Variants in RABL6 observed in about 807,000 individuals in gnomAD.
RABL6 encodes rab-like protein 6.
A neutral mutation model predicts 72.9 loss-of-function variants in RABL6; 28 were observed. The ratio of observed to expected loss-of-function variants is 0.38; its 90% CI spans 0.28 to 0.53. RABL6 has a LOEUF of 0.53. Among genes scored for constraint, RABL6 ranks in the 20% least tolerant of loss-of-function variants. RABL6 has a pLI of 0.80. For synonymous variants in RABL6, 477 were observed against 421.2 expected, an observed-to-expected ratio of 1.13 and a Z score of -1.62; for missense variants, 1,029 against 1,008.4, an observed-to-expected ratio of 1.02 and a Z score of -0.28.
Position 136,831,612 on chromosome 9 carries a change from G to T in RABL6, c.459-109G>T, listed in dbSNP as rs1564368585. On this transcript the variant is annotated intron_variant, in intron 5 of 14. Coordinates refer to ENST00000311502, the MANE Select transcript of RABL6 (RefSeq NM_024718.5). ...CATGCTTCTGCTGGGTTGGATGTTG[G>T]AAATGAGAAGCAGCCACCATCCTCG... The T allele has an allele frequency of 8.7e-6, 13 of 1,497,004 alleles. No homozygotes were observed. In the East Asian group the frequency reaches 3.0e-4, roughly 34 times the overall value. The allele number at this position is 1,497,004 out of a possible 1,614,324, so 92.7% of individuals were successfully genotyped here.
chr9:136,839,721 T>C lies in RABL6; in HGVS notation c.1786T>C (p.Ser596Pro). ...TGACTTTCCCGTGCGAGATGACCCC[T>C]CCGATGTGACTGACGAGGATGAGGG... Reference protein sequence around the residue: ...ADDFPVRDDPSDVTDEDEGPA... With the variant: ...ADDFPVRDDPPDVTDEDEGPA... Residue 596 changes from serine to proline, a missense_variant, in exon 13 of 15, where the codon TCC (serine) becomes CCC (proline). Coordinates refer to ENST00000311502, the MANE Select transcript of RABL6 (RefSeq NM_024718.5). 5 of 1,604,078 alleles carry C rather than the reference T, an allele frequency of 3.1e-6. No homozygotes were observed. The highest frequency in any genetic ancestry group is 4.3e-6 in the Non-Finnish European group (5 of 1,174,382).
In RABL6 at chr9:136,831,832, C is replaced by G; in HGVS notation, c.570C>G (p.Asp190Glu). Residue 190 changes from aspartate (D) to glutamate (E), a missense_variant, in exon 6 of 15, where the codon GAC becomes GAG. This residue lies in a region of RABL6 where 434 missense variants were observed against 536.1 expected (regional missense o/e 0.81). Transcript: ENST00000311502. ...AGCACCGAGTCATCCTGCCGGACGA[C>G]GTGCGTGACTTCATCGACAACCTGG... ...MGEHRVILPD[D>E]VRDFIDNLDR... 4.3e-6 allele frequency: 7 copies of G among 1,612,744 alleles called. No individual in the cohort carries two copies. Among genetic ancestry groups the G allele is most frequent in the Non-Finnish European group, 5.9e-6 (7 of 1,179,546 alleles).
intron 7 of RABL6, chr9:136,833,112 A>T: frequency 4.4e-6 from 1 of 227,960 alleles, no homozygotes; most frequent in Non-Finnish European, 8.2e-6. Context: ...TGGGGACCTG[A>T]ACCTCCTCGC....
Position 136,840,656 on chromosome 9 carries a change from G to A in RABL6, c.*134G>A. 10 of 1,549,542 alleles carry A rather than the reference G, an allele frequency of 6.5e-6. No individual in the cohort carries two copies. Among genetic ancestry groups the A allele is most frequent in the Non-Finnish European group, 7.8e-6 (9 of 1,146,850 alleles). ...GCGCTTCTGAGCTGGAAGAGGCCGGGCATTGGTGGTCCCCAGGCTGGGCCC... is the reference window on the plus strand; with the variant it reads ...GCGCTTCTGAGCTGGAAGAGGCCGGACATTGGTGGTCCCCAGGCTGGGCCC... On this transcript the variant is annotated 3_prime_UTR_variant, in exon 15 of 15. Transcript: ENST00000311502.
Position 136,840,134 on chromosome 9 carries a change from T to G in RABL6, c.1931-20T>G. 6.2e-7 allele frequency: 1 copy of G among 1,612,930 alleles called. No individual in the cohort carries two copies. The highest frequency in any genetic ancestry group is 8.5e-7 in the Non-Finnish European group (1 of 1,179,804). On this transcript the variant is annotated intron_variant, in intron 13 of 14. Transcript: ENST00000311502. ...CCCCGTTGGCCTGAGTTTGAGCCAC[T>G]GTCTGTCCTGTCTGTGCAGGTAAGG... is the stretch of plus-strand genomic sequence containing the variant.
At chr9:136,828,417 C>T (rs1848402467) in intron 3 of RABL6, 77 bp from the exon 4 acceptor site, 1 of 1,477,258 alleles carries the variant, frequency 6.8e-7, no homozygotes, top group Non-Finnish European at 9.4e-7. Flanking sequence ...GCTGAGTGGC[C>T]ATGGGGGGAC....
chr9:136,818,742 C>CA (rs59890458), intron 1 of RABL6, among the ~76,000 whole-genome samples: 9,034 of 131,270 alleles, frequency 0.069, 622 homozygotes, highest in African/African-American at 0.18. Context: ...GAGACTTAAT[C>CA]AAAAAAAAAA....
chr9:136,825,988 G>A (rs1475502835), intron 3 of RABL6, among the ~76,000 whole-genome samples, 162 bp downstream of exon 3: 5 of 152,138 alleles, frequency 3.3e-5, no homozygotes, highest in East Asian at 1.9e-4. Context: ...TGGCGACCCC[G>A]CAGCGTGGCG....
chr9:136,838,488 G>C (rs1478438897), intron 10 of RABL6, among the ~76,000 whole-genome samples: 2 of 152,228 alleles, frequency 1.3e-5, no homozygotes, highest in Admixed American at 1.3e-4. Flanking sequence ...TTTGCCTGCA[G>C]CAAAGCCCTG....
At chr9:136,832,239 G>A in intron 6 of RABL6, 26 bp from the exon 7 acceptor site, 1 of 1,597,764 alleles carries the variant, frequency 6.3e-7, no homozygotes, top group South Asian at 1.1e-5. Flanking sequence ...TCTTTCTCTT[G>A]CATCTTTTTT....
At chr9:136,821,705 C>G in intron 1 of RABL6, 1 of 1,021,258 alleles carries the variant, frequency 9.8e-7, no homozygotes, top group South Asian at 3.4e-5. Context: ...CGCTGAGCGC[C>G]TGCGGCTCCG....
At chr9:136,820,529 A>C (rs1446832313) in intron 1 of RABL6, among the ~76,000 whole-genome samples, 1 of 151,744 alleles carries the variant, frequency 6.6e-6, no homozygotes, top group Non-Finnish European at 1.5e-5. Flanking sequence ...CCACCACCAC[A>C]CCCGGCTAAT....
intron 1 of RABL6, among the ~76,000 whole-genome samples, chr9:136,820,222 AAATT>A (rs1588353336): frequency 6.7e-6 from 1 of 148,204 alleles, no homozygotes; most frequent in Non-Finnish European, 1.5e-5. Context: ...AAAAAAAAAA[AAATT>A]AGCTGGCAGA....
intron 1 of RABL6, chr9:136,812,718 A>G (rs937860267): frequency 2.3e-5 from 7 of 300,154 alleles, no homozygotes; most frequent in African/African-American, 1.6e-4. Flanking sequence ...TTGATCAGGT[A>G]ACGGAATAAA....
chr9:136,840,246 C>T (rs1848664840), intron 14 of RABL6, 34 bp downstream of exon 14: 1 of 1,612,652 alleles, frequency 6.2e-7, no homozygotes, highest in Non-Finnish European at 8.5e-7. Context: ...CAGGCCAGGA[C>T]TGGGTGGCAT....
intron 2 of RABL6, among the ~76,000 whole-genome samples, chr9:136,824,452 C>T (rs1286589218): frequency 6.6e-6 from 1 of 150,752 alleles, no homozygotes; most frequent in African/African-American, 2.4e-5. Flanking sequence ...GCCTCAGCCT[C>T]CTGAGTAGCT....
chr9:136,837,544 A>G lies in RABL6; in HGVS notation c.1008A>G (p.Val336=). The G allele has an allele frequency of 6.5e-7, 1 of 1,543,408 alleles. No homozygotes were observed. Among genetic ancestry groups the G allele is most frequent in the Non-Finnish European group, 8.7e-7 (1 of 1,148,776 alleles). ...CCCCACCATCCTCTGTGCCCCCTGT[A>G]CCACCCTCAGAGGCCCTGCCCCCAC... ...NAAPPSSVPP[V]PPSEALPPPA... is the part of the protein sequence containing the mutation. The change falls in exon 9 of 15, where the codon GTA becomes GTG. Residue 336 remains valine, a synonymous_variant. Coordinates refer to ENST00000311502, the MANE Select transcript of RABL6 (RefSeq NM_024718.5).
At chr9:136,834,935 A>C (rs1209521946) in intron 7 of RABL6, among the ~76,000 whole-genome samples, 1 of 150,068 alleles carries the variant, frequency 6.7e-6, no homozygotes, top group Non-Finnish European at 1.5e-5. Context: ...GTTCTAAAAA[A>C]AAAAAAAAAA....
intron 12 of RABL6, 47 bp from the exon 13 acceptor site, chr9:136,839,647 G>A (rs768757309): frequency 9.7e-6 from 15 of 1,551,666 alleles, no homozygotes; most frequent in Non-Finnish European, 1.2e-5. Context: ...CAACCCCTGG[G>A]GGTGTGGGAG....
Sources: allele counts gnomAD v4.1 joint callset (sites outside exome capture counted in the v4.1 genomes callset), GRCh38; gene constraint gnomAD v4.1.1; regional missense constraint gnomAD v4.1.1; transcripts MANE v1.5; gene names NCBI Gene and HGNC (gene_info 2026-07-23, HGNC 2026-07-21).